The following HHIP variants were observed in gnomAD, a reference collection of about 807,000 sequenced individuals.
HHIP encodes the protein hedgehog-interacting protein.
Under a neutral mutation model 74.0 loss-of-function variants are expected in HHIP, and 12 were observed. That is an observed-to-expected ratio of 0.16 (90% confidence interval 0.10 to 0.26). The LOEUF is 0.26. Ranked by LOEUF, HHIP falls within the 10% of genes least tolerant of loss-of-function variation. The pLI is 1.00. For synonymous variants in HHIP, 309 were observed against 311.6 expected, an observed-to-expected ratio of 0.99 and a Z score of 0.09; for missense variants, 788 against 845.0, an observed-to-expected ratio of 0.93 and a Z score of 0.84.
chr4:144,697,254 A>C (rs1334579852), intron 4 of HHIP, among the ~76,000 whole-genome samples: 1 of 151,944 alleles, frequency 6.6e-6, no homozygotes, highest in East Asian at 1.9e-4. Context: ...ATGTTTCTAT[A>C]ATTTTTTTCT....
At chr4:144,720,542 T>C (rs967757540) in intron 11 of HHIP, among the ~76,000 whole-genome samples, 3 of 152,156 alleles carry the variant, frequency 2.0e-5, no homozygotes, top group African/African-American at 7.2e-5. Flanking sequence ...AGTGTCTAAT[T>C]ACCAAGGTTG....
chr4:144,707,280 T>C lies in HHIP; in HGVS notation c.1157+20T>C, dbSNP rs1730173821. ...GTTAAGGTAAAAGGCTGATCACAGA[T>C]GGGTTCCTCTCAAGGTTAAAATAGT... On this transcript the variant is annotated intron_variant, in intron 6 of 12. Coordinates refer to ENST00000296575, the MANE Select transcript of HHIP (RefSeq NM_022475.3). 1 of 1,567,388 alleles carries C rather than the reference T, an allele frequency of 6.4e-7. No individual in the cohort carries two copies. Among genetic ancestry groups the C allele is most frequent in the Non-Finnish European group, 8.6e-7 (1 of 1,157,678 alleles).
intron 1 of HHIP, among the ~76,000 whole-genome samples, chr4:144,648,919 T>TA (rs1728344714): frequency 6.6e-6 from 1 of 152,186 alleles, no homozygotes; most frequent in Non-Finnish European, 1.5e-5. Flanking sequence ...AACAAACCCC[T>TA]ACTCATTTGG....
chr4:144,719,870 T>A (rs1336723872), intron 11 of HHIP, among the ~76,000 whole-genome samples: 1 of 152,226 alleles, frequency 6.6e-6, no homozygotes, highest in Non-Finnish European at 1.5e-5. Context: ...TCAAAAGAAT[T>A]AACTCTAATA....
chr4:144,708,073 G>A, intron 6 of HHIP, 95 bp from the exon 7 acceptor site: 1 of 1,321,282 alleles, frequency 7.6e-7, no homozygotes, highest in African/African-American at 1.5e-5. Context: ...CTAAGGGGAT[G>A]ATTTTTTCAT....
chr4:144,717,730 T>A (rs1216347955), intron 10 of HHIP, among the ~76,000 whole-genome samples: 2 of 152,064 alleles, frequency 1.3e-5, no homozygotes, highest in African/African-American at 4.8e-5. Flanking sequence ...AGACTGAGCA[T>A]CAAGGTCTCT....
intron 7 of HHIP, among the ~76,000 whole-genome samples, chr4:144,711,643 C>T (rs937874092): frequency 1.3e-5 from 2 of 152,084 alleles, no homozygotes; most frequent in African/African-American, 4.8e-5. Flanking sequence ...AATACTTTAC[C>T]AGTGTATTAT....
At chr4:144,692,200 A>T (rs952286493) in intron 4 of HHIP, among the ~76,000 whole-genome samples, 180 of 152,264 alleles carry the variant, frequency 1.2e-3, no homozygotes, top group African/African-American at 4.2e-3. Context: ...CAATAAAAAA[A>T]AAGCTGAAGC....
At chr4:144,721,676 G>A (rs1730638736) in intron 11 of HHIP, among the ~76,000 whole-genome samples, 1 of 151,832 alleles carries the variant, frequency 6.6e-6, no homozygotes, top group Non-Finnish European at 1.5e-5. Flanking sequence ...CAAGGTGGGT[G>A]GATCACCTGA....
chr4:144,725,661 T>TGTGTGTGTGGGTGTGTGC (rs1730776409), intron 11 of HHIP, among the ~76,000 whole-genome samples: 1 of 141,276 alleles, frequency 7.1e-6, no homozygotes, highest in South Asian at 2.3e-4. Flanking sequence ...TGTGTGCGCG[T>TGTGTGTGTGGGTGTGTGC]GCGTGTGTGT....
intron 2 of HHIP, among the ~76,000 whole-genome samples, chr4:144,656,524 A>G (rs1344826645): frequency 6.6e-6 from 1 of 152,194 alleles, no homozygotes; most frequent in Non-Finnish European, 1.5e-5. Flanking sequence ...TTAAGATGGT[A>G]TTGGTTAGTA....
intron 10 of HHIP, among the ~76,000 whole-genome samples, chr4:144,715,821 A>T (rs1730431632): frequency 6.6e-6 from 1 of 152,220 alleles, no homozygotes; most frequent in Non-Finnish European, 1.5e-5. Context: ...TAAATAAAAA[A>T]GTTTTGTTGG....
chr4:144,715,410 G>A lies in HHIP; in HGVS notation c.1658G>A (p.Gly553Glu), dbSNP rs1187896940. The A allele has an allele frequency of 6.2e-7, 1 of 1,613,230 alleles. No homozygotes were observed. The highest frequency in any genetic ancestry group is 8.5e-7 in the Non-Finnish European group (1 of 1,179,496). Reference sequence around the variant, plus strand: ...GGCTACTTTTCCGGTCACATCTTGGGATTTGGAGAAGATGAACTAGGTACT... The same window carrying A: ...GGCTACTTTTCCGGTCACATCTTGGAATTTGGAGAAGATGAACTAGGTACT... ...CRGYFSGHILGFGEDELGEVY... is the reference protein window; with the variant it reads ...CRGYFSGHILEFGEDELGEVY... Residue 553 changes from glycine to glutamate, a missense_variant, in exon 10 of 13, where the codon GGA becomes GAA. Physicochemically the swap from Gly to Glu is moderately conservative, Grantham distance 98. Coordinates refer to ENST00000296575, the MANE Select transcript of HHIP (RefSeq NM_022475.3).
chr4:144,718,417 G>T (rs1042582510), intron 10 of HHIP, among the ~76,000 whole-genome samples: 1 of 152,172 alleles, frequency 6.6e-6, no homozygotes, highest in Non-Finnish European at 1.5e-5. Flanking sequence ...GCAAAATGTT[G>T]CAGATGAGGT....
At chr4:144,690,379 A>C (rs186507719) in intron 4 of HHIP, among the ~76,000 whole-genome samples, 2 of 152,208 alleles carry the variant, frequency 1.3e-5, no homozygotes, top group African/African-American at 4.8e-5. Flanking sequence ...TGTCCTAGCA[A>C]TACCTGGAAA....
At chr4:144,716,067 A>C (rs141744015) in intron 10 of HHIP, among the ~76,000 whole-genome samples, 10 of 152,344 alleles carry the variant, frequency 6.6e-5, no homozygotes, top group African/African-American at 2.2e-4. Flanking sequence ...TCAGTGAGTA[A>C]AAATTTTATT....
In HHIP at chr4:144,741,363, G is replaced by GTTTTTTTT. The variant is rs1170352137; in HGVS notation, c.*3415_*3422dup. The GTTTTTTTT allele has an allele frequency of 1.2e-5, 1 of 82,312 alleles. No individual in the cohort carries two copies. The highest frequency in any genetic ancestry group is 4.1e-5 in the African/African-American group (1 of 24,204). 5.1% of individuals were successfully genotyped at this position (82,312 alleles called of 1,614,324 possible). A position where few individuals can be genotyped will look rare whatever the true frequency, so the allele number is the denominator to read the frequency against. ...TACTAACAATTTTAATCCATTTGCT[G>GTTTTTTTT]TTTTTTTTTTTTTTTTGGTTTCTTT... On this transcript the variant is annotated 3_prime_UTR_variant, in exon 13 of 13. Transcript: ENST00000296575.
intron 1 of HHIP, chr4:144,648,195 C>A (rs371977118): frequency 6.6e-6 from 1 of 152,130 alleles, no homozygotes; most frequent in South Asian, 2.1e-4. Context: ...AAAAAGGGGT[C>A]GACTTATCCT....
In HHIP at chr4:144,681,649, T is replaced by G. The variant is rs191827746; in HGVS notation, c.831+21811T>G. ...CCTGTTGGTCAGGATGGTCTTGATC[T>G]CCTGACCTTGTGATCTTCCCGCCTC... On this transcript the variant is annotated intron_variant, in intron 4 of 12. Coordinates refer to ENST00000296575, the MANE Select transcript of HHIP (RefSeq NM_022475.3). Among the ~76,000 whole-genome samples the G allele has an allele frequency of 1.5e-3, 223 of 152,292 alleles. 5 individuals carry two copies. The highest frequency in any genetic ancestry group is 5.1e-3 in the African/African-American group (212 of 41,558).
Sources: allele counts gnomAD v4.1 joint callset (sites outside exome capture counted in the v4.1 genomes callset), GRCh38; gene constraint gnomAD v4.1.1; transcripts MANE v1.5; gene names NCBI Gene and HGNC (gene_info 2026-07-23, HGNC 2026-07-21).